COL17A1: variants seen among roughly 807,000 people sequenced by gnomAD.
The protein encoded by COL17A1 is collagen alpha-1(XVII) chain.
A neutral mutation model predicts 218.4 loss-of-function variants in COL17A1; 181 were observed. That is an observed-to-expected ratio of 0.83 (90% CI 0.73 to 0.94). The LOEUF (loss-of-function observed/expected upper bound fraction) is 0.94. COL17A1 is among the 40% of genes least tolerant of loss of function. The probability of loss-of-function intolerance (pLI) is 0.00; values close to 1 mark genes in which losing one functional copy is unlikely to be tolerated. For missense variants in COL17A1, 1,924 were observed against 1,945.9 expected, an observed-to-expected ratio of 0.99 and a Z score of 0.21; for synonymous variants, 721 against 731.0, an observed-to-expected ratio of 0.99 and a Z score of 0.22.
chr10:104,084,869 C>G (rs924869454), intron 1 of COL17A1, among the ~76,000 whole-genome samples: 1 of 152,162 alleles, frequency 6.6e-6, no homozygotes, highest in Non-Finnish European at 1.5e-5. Flanking sequence ...AATCTTGCTA[C>G]GTTTTACAAG....
Position 104,073,262 on chromosome 10 carries a change from T to A in COL17A1, c.380-17A>T. The stretch of plus-strand genomic sequence containing the variant: ...AAGAAGATGCTGAGAAACAAAGAAA[T>A]GCATTTTTAGGCATATATAAGAGGT... On this transcript the variant is annotated splice_polypyrimidine_tract_variant and intron_variant, in intron 6 of 55. Coordinates refer to ENST00000648076, the MANE Select transcript of COL17A1 (RefSeq NM_000494.4). 1 of 1,613,240 alleles carries A rather than the reference T, an allele frequency of 6.2e-7. No homozygotes were observed. Among genetic ancestry groups the A allele is most frequent in the South Asian group, 1.1e-5 (1 of 91,044 alleles).
chr10:104,050,194 A>G lies in COL17A1; in HGVS notation c.2129-70T>C, dbSNP rs551071696. 210 of 1,605,822 alleles carry G rather than the reference A, an allele frequency of 1.3e-4. No homozygotes were observed. In the South Asian group the frequency reaches 2.2e-3, roughly 17 times the overall value. ...AAGGAAAACACTCTCACCCAGTAAC[A>G]GGGTCCCCGGCTGCAGGGTAGTTCT... On this transcript the variant is annotated intron_variant, in intron 27 of 55. Transcript: ENST00000648076.
In COL17A1 at chr10:104,039,454, C is replaced by T; in HGVS notation, c.2887G>A (p.Gly963Ser). 1.2e-6 allele frequency: 2 copies of T among 1,614,140 alleles called. No homozygotes were observed. The highest frequency in any genetic ancestry group is 8.5e-7 in the Non-Finnish European group (1 of 1,180,040). The part of the protein sequence containing the change: ...PGPPGPQGPK[G>S]DKGDPGVPGA... Reference sequence around the variant, plus strand: ...CTGCTCCCTCACTGACCTTTGTCACCTTTGGGTCCCTGGGGGCCAGGTGGG... The same window carrying T: ...CTGCTCCCTCACTGACCTTTGTCACTTTTGGGTCCCTGGGGGCCAGGTGGG... Residue 963 changes from glycine to serine, a missense_variant, in exon 43 of 56, where the codon GGT (glycine) becomes AGT (serine). Gly to Ser is a moderately conservative substitution (Grantham distance 56, BLOSUM62 0). Coordinates refer to ENST00000648076, the MANE Select transcript of COL17A1 (RefSeq NM_000494.4).
At chr10:104,052,095 C>T (rs1589565902) in intron 24 of COL17A1, 60 bp downstream of exon 24, 1 of 1,610,556 alleles carries the variant, frequency 6.2e-7, no homozygotes, top group East Asian at 2.2e-5. Context: ...CTCTGTGATC[C>T]ATCCTGAATG....
intron 36 of COL17A1, 147 bp from the exon 37 acceptor site, chr10:104,041,685 GCC>G: frequency 1.4e-6 from 1 of 697,596 alleles, no homozygotes; most frequent in Non-Finnish European, 2.5e-6. Context: ...TGGCACAAGA[GCC>G]TGCAGCACCT....
Position 104,039,827 on chromosome 10 carries a change from A to C in COL17A1, c.2788+146T>G, listed in dbSNP as rs1000509172. 19 of 1,288,954 alleles carry C rather than the reference A, an allele frequency of 1.5e-5. No homozygotes were observed. The African/African-American group carries it at 2.6e-4, about 18-fold the overall frequency. 79.8% of individuals were successfully genotyped at this position (1,288,954 alleles called of 1,614,324 possible). ...GCACACTTGCACTACACCCATGCAC[A>C]CACTCAACCATTCCTAGAGAAACAC... On this transcript the variant is annotated intron_variant, in intron 41 of 55. Coordinates refer to ENST00000648076, the MANE Select transcript of COL17A1 (RefSeq NM_000494.4).
At chr10:104,084,781 A>T (rs2086792469) in intron 1 of COL17A1, among the ~76,000 whole-genome samples, 1 of 152,194 alleles carries the variant, frequency 6.6e-6, no homozygotes, top group Admixed American at 6.5e-5. Flanking sequence ...GTTCTGACAG[A>T]TCTGTGCCTT....
rs571371115 is a variant in COL17A1 at position 104,038,389 on chromosome 10, G to A, written c.3070+17C>T. 9.9e-6 allele frequency: 16 copies of A among 1,613,412 alleles called. No homozygotes were observed. The highest frequency in any genetic ancestry group is 6.7e-5 in the African/African-American group (5 of 75,004). On this transcript the variant is annotated intron_variant, in intron 45 of 55. Coordinates refer to ENST00000648076, the MANE Select transcript of COL17A1 (RefSeq NM_000494.4). ...CCATGTTCTTGTCCCCACGGCTTGC[G>A]GCGGCCAGCTACTCACTCTGCATGT...
chr10:104,059,642 A>T lies in COL17A1; in HGVS notation c.1218T>A (p.Ala406=). 6.2e-7 allele frequency: 1 copy of T among 1,614,080 alleles called. No homozygotes were observed. Among genetic ancestry groups the T allele is most frequent in the Non-Finnish European group, 8.5e-7 (1 of 1,179,900 alleles). The change falls in exon 15 of 56, where the codon GCT becomes GCA. Residue 406 remains alanine (A), a synonymous_variant. Coordinates refer to ENST00000648076, the MANE Select transcript of COL17A1 (RefSeq NM_000494.4). ...YNADSGLKAE[A]NGDLKTVSTK... ...AACAATCATATTTGTTCTTACCATT[A>T]GCTTCGGCTTTTAGGCCTGAGTCAG... is the stretch of plus-strand genomic sequence containing the variant.
At chr10:104,049,577 T>TCC in intron 28 of COL17A1, 106 bp from the exon 29 acceptor site, 1 of 1,265,722 alleles carries the variant, frequency 7.9e-7, no homozygotes, top group Non-Finnish European at 1.1e-6. Context: ...AGCTTCTGCT[T>TCC]TGATTCCAAG....
chr10:104,038,674 GAGAAGAAAGGAC>G lies in COL17A1; in HGVS notation c.2948-158_2948-147del, dbSNP rs1441722942. ...TGGCAAGGAGAAGGGTCCCCGAGAAGAGAAGAAAGGACAGCCTGTAACAGCCACTGTCTGAAA... is the reference window on the plus strand; with the variant it reads ...TGGCAAGGAGAAGGGTCCCCGAGAAGAGCCTGTAACAGCCACTGTCTGAAA... On this transcript the variant is annotated intron_variant, in intron 44 of 55. Coordinates refer to ENST00000648076, the MANE Select transcript of COL17A1 (RefSeq NM_000494.4). 3 of 1,037,168 alleles carry G rather than the reference GAGAAGAAAGGAC, an allele frequency of 2.9e-6. No homozygotes were observed. The East Asian group carries it at 7.6e-5, about 26-fold the overall frequency. The allele number at this position is 1,037,168 out of a possible 1,614,324, so 64.2% of individuals were successfully genotyped here. A position where few individuals can be genotyped will look rare whatever the true frequency, so the allele number is the denominator to read the frequency against.
intron 9 of COL17A1, among the ~76,000 whole-genome samples, chr10:104,069,652 A>C (rs1349530642): frequency 6.6e-6 from 1 of 152,148 alleles, no homozygotes; most frequent in Non-Finnish European, 1.5e-5. Flanking sequence ...GGAAACCAAA[A>C]ACCAGTTTTT....
intron 48 of COL17A1, 141 bp from the exon 49 acceptor site, chr10:104,035,704 G>A: frequency 4.2e-6 from 3 of 709,856 alleles, no homozygotes; most frequent in Non-Finnish European, 4.7e-6. Flanking sequence ...GAGGCAGAGA[G>A]GAGGAGCCCA....
intron 31 of COL17A1, 78 bp from the exon 32 acceptor site, chr10:104,046,851 A>G (rs913521801): frequency 1.5e-6 from 2 of 1,329,962 alleles, no homozygotes; most frequent in Non-Finnish European, 2.1e-6. Flanking sequence ...ACCTGCAGAA[A>G]CCGGTGGACA....
rs779209179 is a variant in COL17A1 at position 104,034,717 on chromosome 10, C to T, written c.3670G>A (p.Gly1224Arg). ...PGPPGPPGPPGPRGPPGVSGA... is the reference protein window; with the variant it reads ...PGPPGPPGPPRPRGPPGVSGA... ...GAGACACCCGGGGGCCCTCGAGGCC[C>T]TGGGGGACCAGGAGGTCCTGGAGGG... Residue 1224 changes from glycine (G) to arginine (R), a missense_variant, in exon 51 of 56, where the codon GGG (glycine) becomes AGG (arginine). Coordinates refer to ENST00000648076, the MANE Select transcript of COL17A1 (RefSeq NM_000494.4). 14 of 1,612,014 alleles carry T rather than the reference C, an allele frequency of 8.7e-6. No homozygotes were observed. The Admixed American group carries it at 2.2e-4, about 25-fold the overall frequency.
chr10:104,034,503 A>G (rs532162087), intron 51 of COL17A1, 118 bp downstream of exon 51: 2 of 1,513,646 alleles, frequency 1.3e-6, no homozygotes, highest in African/African-American at 2.8e-5. Flanking sequence ...AACCGGGCTT[A>G]CCCCACCAGT....
Position 104,057,057 on chromosome 10 carries a change from G to C in COL17A1, c.1383C>G (p.Cys461Trp). 4 of 1,608,990 alleles carry C rather than the reference G, an allele frequency of 2.5e-6. No homozygotes were observed. The highest frequency in any genetic ancestry group is 3.4e-6 in the Non-Finnish European group (4 of 1,177,860). The stretch of plus-strand genomic sequence containing the variant: ...CCAGCAGCCACTTCCACCAGCTGCA[G>C]CAGGAGCCGCAGGGGCACCAGGCTG... The part of the protein sequence containing the change: ...PAPAWCPCGS[C>W]CSWWKWLLGL... Residue 461 changes from cysteine (C) to tryptophan (W), a missense_variant, in exon 17 of 56, where the codon TGC becomes TGG. Transcript: ENST00000648076.
Position 104,049,638 on chromosome 10 carries a change from C to T in COL17A1, c.2165-167G>A, listed in dbSNP as rs148290318. On this transcript the variant is annotated intron_variant, in intron 28 of 55. Transcript: ENST00000648076. Reference sequence around the variant, plus strand: ...AAGTGGCATGGGCTCAACCAGAAACCACACCTAATCAGAATCATGGGCATG... The same window carrying T: ...AAGTGGCATGGGCTCAACCAGAAACTACACCTAATCAGAATCATGGGCATG... 1.6e-3 allele frequency among the ~76,000 whole-genome samples: 242 copies of T among 152,300 alleles called. 1 individual carries two copies. Among genetic ancestry groups the T allele is most frequent in the African/African-American group, 5.6e-3 (232 of 41,564 alleles).
At chr10:104,041,044 G>A (rs772323948) in intron 39 of COL17A1, 21 bp downstream of exon 39, 16 of 1,613,986 alleles carry the variant, frequency 9.9e-6, no homozygotes, top group Admixed American at 5.0e-5. Flanking sequence ...GAACAGGTGC[G>A]ACTTGACTCC....
Sources: gnomAD v4.1 joint callset for allele counts (sites outside exome capture counted in the v4.1 genomes callset) on GRCh38, gnomAD v4.1.1 for gene constraint, MANE v1.5 for transcripts, NCBI Gene and HGNC (gene_info 2026-07-23, HGNC 2026-07-21) for gene names.